CREB3L2: variants seen among roughly 807,000 people sequenced by gnomAD.
The protein encoded by CREB3L2 is cyclic AMP-responsive element-binding protein 3-like protein 2.
CREB3L2 carries 23 observed loss-of-function variants against 57.2 expected under a neutral mutation model. The observed-to-expected ratio is 0.40, with a 90% confidence interval of 0.29 to 0.57. CREB3L2 has a LOEUF of 0.57. CREB3L2 is among the 20% of genes least tolerant of loss of function. The pLI, the probability that CREB3L2 is intolerant of heterozygous loss-of-function variation, is 0.42. For missense variants in CREB3L2, 628 were observed against 634.7 expected (o/e 0.99, Z 0.11); for synonymous variants, 268 against 265.1 (o/e 1.01, Z -0.11).
intron 2 of CREB3L2, among the ~76,000 whole-genome samples, chr7:137,922,409 T>C (rs1433608878): frequency 8.2e-5 from 2 of 24,336 alleles, no homozygotes; most frequent in Admixed American, 6.3e-4. Context: ...TATATATATA[T>C]ATATATGTAT....
rs1408337627 is a variant in CREB3L2, at chr7:137,972,707, A to AACAAAACAAAACAAACAAAC, written c.102+28896_102+28897insGTTTGTTTGTTTTGTTTTGT. Reference sequence around the variant, plus strand: ...TACAAAAAAAAAAAAAAAAAAAAAAAAAAAAATATATATATATATATATAT... The same window carrying AACAAAACAAAACAAACAAAC: ...TACAAAAAAAAAAAAAAAAAAAAAAAACAAAACAAAACAAACAAACAAAAAATATATATATATATATATAT... On this transcript the variant is annotated intron_variant, in intron 1 of 11. Coordinates refer to ENST00000330387, the MANE Select transcript of CREB3L2 (RefSeq NM_194071.4). Among the ~76,000 whole-genome samples, 262 of 44,128 alleles carry AACAAAACAAAACAAACAAAC rather than the reference A, an allele frequency of 5.9e-3. 4 individuals are homozygous for AACAAAACAAAACAAACAAAC. Among genetic ancestry groups the AACAAAACAAAACAAACAAAC allele is most frequent in the African/African-American group, 0.026 (201 of 7,624 alleles). 28.9% of individuals were successfully genotyped at this position (44,128 alleles called of 152,430 possible).
intron 4 of CREB3L2, chr7:137,912,720 A>C (rs1284170687): frequency 2.2e-6 from 2 of 907,564 alleles, no homozygotes; most frequent in South Asian, 1.7e-5. Context: ...GCAGTCCATA[A>C]AAGTTTTGAA....
At chr7:137,911,917 G>A (rs1362335238) in intron 4 of CREB3L2, among the ~76,000 whole-genome samples, 1 of 152,196 alleles carries the variant, frequency 6.6e-6, no homozygotes, top group Non-Finnish European at 1.5e-5. Context: ...AGTGAGAAGA[G>A]CAGGATGTAT....
intron 2 of CREB3L2, among the ~76,000 whole-genome samples, chr7:137,922,382 A>ATATATG (rs1339365374): frequency 2.2e-4 from 23 of 102,742 alleles, no homozygotes; most frequent in African/African-American, 1.5e-3. Context: ...ATATATATAT[A>ATATATG]TGTATATATA....
At chr7:137,920,231 C>T (rs1800243344) in intron 2 of CREB3L2, among the ~76,000 whole-genome samples, 1 of 152,158 alleles carries the variant, frequency 6.6e-6, no homozygotes, top group Admixed American at 6.5e-5. Context: ...CTTGATGTAC[C>T]ATTGGTATGT....
chr7:137,922,733 G>T (rs1376856649), intron 2 of CREB3L2: 2 of 415,794 alleles, frequency 4.8e-6, no homozygotes, highest in East Asian at 7.4e-5. Flanking sequence ...CAGGGAGGGC[G>T]GACCGTACAT....
chr7:137,988,050 T>C (rs986620964), intron 1 of CREB3L2, among the ~76,000 whole-genome samples: 8 of 152,156 alleles, frequency 5.3e-5, no homozygotes, highest in African/African-American at 1.9e-4. Flanking sequence ...CTGTGAAGGG[T>C]GGCCCTTTCC....
chr7:137,952,379 C>T (rs577257879), intron 1 of CREB3L2, among the ~76,000 whole-genome samples: 1 of 152,290 alleles, frequency 6.6e-6, no homozygotes, highest in South Asian at 2.1e-4. Flanking sequence ...TCCCAACTTC[C>T]CCATGGCTGA....
At chr7:137,995,085 A>C (rs1299365664) in intron 1 of CREB3L2, among the ~76,000 whole-genome samples, 3 of 152,164 alleles carry the variant, frequency 2.0e-5, no homozygotes, top group Non-Finnish European at 4.4e-5. Flanking sequence ...TTACCAATAA[A>C]GCTTTAAGAA....
chr7:137,897,239 T>C (rs1799647443), intron 8 of CREB3L2, among the ~76,000 whole-genome samples: 2 of 152,252 alleles, frequency 1.3e-5, no homozygotes, highest in South Asian at 4.1e-4. Context: ...AATTATGCCT[T>C]AATAATGCTG....
chr7:137,939,906 C>T (rs182281497), intron 1 of CREB3L2, among the ~76,000 whole-genome samples: 222 of 152,294 alleles, frequency 1.5e-3, no homozygotes, highest in Non-Finnish European at 2.5e-3. Flanking sequence ...TTTAACCCTC[C>T]CACACTTAAG....
chr7:137,966,061 G>C (rs1801401757), intron 1 of CREB3L2, among the ~76,000 whole-genome samples: 1 of 152,158 alleles, frequency 6.6e-6, no homozygotes, highest in African/African-American at 2.4e-5. Context: ...GTCTTCCAAA[G>C]AAGGAATCTG....
In CREB3L2 at chr7:137,944,721, G is replaced by A. The variant is rs559102314; in HGVS notation, c.103-16355C>T. 1.1e-4 allele frequency among the ~76,000 whole-genome samples: 16 copies of A among 152,160 alleles called. No homozygotes were observed. The East Asian group carries it at 2.3e-3, about 22-fold the overall frequency. ...TCTGTTAATATACAGAAATGTCCAC[G>A]TCATATATCTAAATGAAAAATATAT... On this transcript the variant is annotated intron_variant, in intron 1 of 11. Coordinates refer to ENST00000330387, the MANE Select transcript of CREB3L2 (RefSeq NM_194071.4).
chr7:137,931,896 G>T (rs908727907), intron 1 of CREB3L2, among the ~76,000 whole-genome samples: 3 of 152,138 alleles, frequency 2.0e-5, no homozygotes, highest in Admixed American at 1.3e-4. Flanking sequence ...TTTTTACATG[G>T]TTGCTGCTGT....
Position 137,880,301 on chromosome 7 carries a change from G to C in CREB3L2, c.*175C>G, listed in dbSNP as rs925834037. On this transcript the variant is annotated 3_prime_UTR_variant, in exon 12 of 12. Coordinates refer to ENST00000330387, the MANE Select transcript of CREB3L2 (RefSeq NM_194071.4). The surrounding 1 kb of genome is among the most constrained non-coding windows in gnomAD (Gnocchi z 4.0). ...TCTGCACAGGAGGGGCATGGACCAG[G>C]GGGAGATGCTCTCTCACTGCAGGGA... is the stretch of plus-strand genomic sequence containing the variant. 9.6e-6 allele frequency: 6 copies of C among 626,538 alleles called. No individual in the cohort carries two copies. Among genetic ancestry groups the C allele is most frequent in the African/African-American group, 5.5e-5 (3 of 54,576 alleles). The allele number at this position is 626,538 out of a possible 1,614,324, so 38.8% of individuals were successfully genotyped here.
chr7:137,877,289 A>C lies in CREB3L2; in HGVS notation c.*3187T>G. On this transcript the variant is annotated 3_prime_UTR_variant, in exon 12 of 12. Coordinates refer to ENST00000330387, the MANE Select transcript of CREB3L2 (RefSeq NM_194071.4). ...CAAATCAAAATCATTTATATTAACC[A>C]AAAGGTTATCTAATTTTGCCCATAT... 4.4e-6 allele frequency: 1 copy of C among 226,524 alleles called. No individual in the cohort carries two copies. Among genetic ancestry groups the C allele is most frequent in the Non-Finnish European group, 8.8e-6 (1 of 113,784 alleles). 14.0% of individuals were successfully genotyped at this position (226,524 alleles called of 1,614,324 possible). A position where few individuals can be genotyped will look rare whatever the true frequency, so the allele number is the denominator to read the frequency against.
rs770628682 is a variant in CREB3L2 at position 137,927,281 on chromosome 7, GA to G, written c.319+868del. 8.3e-3 allele frequency among the ~76,000 whole-genome samples: 1,014 copies of G among 121,494 alleles called. 3 individuals carry two copies. The highest frequency in any genetic ancestry group is 0.015 in the Middle Eastern group (4 of 266). The allele number at this position is 121,494 out of a possible 152,430, so 79.7% of individuals were successfully genotyped here. A position where few individuals can be genotyped will look rare whatever the true frequency, so the allele number is the denominator to read the frequency against. ...CAGAACGGAAAGGAAAGGAAAGGAG[GA>G]AGGAAGGAAGGAAGGGTGGGAGGGG... On this transcript the variant is annotated intron_variant, in intron 2 of 11. Coordinates refer to ENST00000330387, the MANE Select transcript of CREB3L2 (RefSeq NM_194071.4).
At chr7:137,941,681 GC>G (rs1800881981) in intron 1 of CREB3L2, among the ~76,000 whole-genome samples, 2 of 152,194 alleles carry the variant, frequency 1.3e-5, no homozygotes, top group South Asian at 4.1e-4. Context: ...GATCAGAAAG[GC>G]AAGCTCCAGT....
At chr7:137,978,256 C>A (rs886278518) in intron 1 of CREB3L2, among the ~76,000 whole-genome samples, 7 of 152,176 alleles carry the variant, frequency 4.6e-5, no homozygotes, top group African/African-American at 1.7e-4. Context: ...CTATATATCT[C>A]TCTAGAGATT....
Sources: gnomAD v4.1 joint callset for allele counts (sites outside exome capture counted in the v4.1 genomes callset) on GRCh38, gnomAD v4.1.1 for gene constraint, Gnocchi (gnomAD v3.1) non-coding constraint, MANE v1.5 for transcripts, NCBI Gene and HGNC (gene_info 2026-07-23, HGNC 2026-07-21) for gene names.